The following TMEM117 variants were observed in gnomAD, a reference collection of about 807,000 sequenced individuals.
TMEM117 encodes transmembrane protein 117.
Under a neutral mutation model 52.4 loss-of-function variants are expected in TMEM117, and 27 were observed. The ratio of observed to expected loss-of-function variants is 0.51; its 90% CI spans 0.38 to 0.71. The LOEUF is 0.71. Among genes scored for constraint, TMEM117 ranks in the 30% least tolerant of loss-of-function variants. TMEM117 has a pLI of 0.00. For missense variants in TMEM117, 556 were observed against 630.5 expected, an observed-to-expected ratio of 0.88 and a Z score of 1.26; for synonymous variants, 215 against 206.3, an observed-to-expected ratio of 1.04 and a Z score of -0.36.
At chr12:43,958,897 C>G (rs1011240377) in intron 3 of TMEM117, among the ~76,000 whole-genome samples, 2 of 152,112 alleles carry the variant, frequency 1.3e-5, no homozygotes, top group Non-Finnish European at 2.9e-5. Flanking sequence ...AGCTCCGCCT[C>G]CCGGGTTCAC....
At chr12:44,000,493 A>AG (rs1946098916) in intron 3 of TMEM117, among the ~76,000 whole-genome samples, 1 of 152,070 alleles carries the variant, frequency 6.6e-6, no homozygotes, top group Admixed American at 6.6e-5. Context: ...GCTGACTTGT[A>AG]GGGGCTGAGG....
intron 6 of TMEM117, among the ~76,000 whole-genome samples, chr12:44,363,719 A>G (rs1194531800): frequency 6.6e-6 from 1 of 152,330 alleles, no homozygotes; most frequent in East Asian, 1.9e-4. Flanking sequence ...TTGTTCTAAA[A>G]GAAGAGATTT....
intron 5 of TMEM117, among the ~76,000 whole-genome samples, chr12:44,275,629 G>C (rs1391658481): frequency 1.3e-5 from 2 of 152,022 alleles, no homozygotes; most frequent in Non-Finnish European, 2.9e-5. Flanking sequence ...AAAAGAATGA[G>C]ATCCTGTCGT....
intron 2 of TMEM117, among the ~76,000 whole-genome samples, chr12:43,937,227 T>C (rs1234233720): frequency 6.6e-6 from 1 of 152,184 alleles, no homozygotes; most frequent in Non-Finnish European, 1.5e-5. Context: ...GAGACCAAAG[T>C]CATATTCTAA....
intron 3 of TMEM117, among the ~76,000 whole-genome samples, chr12:44,050,936 A>G (rs1946961704): frequency 6.6e-6 from 1 of 152,248 alleles, no homozygotes; most frequent in African/African-American, 2.4e-5. Context: ...GCAGGTATTA[A>G]GGATATTCAG....
intron 4 of TMEM117, among the ~76,000 whole-genome samples, chr12:44,183,148 A>G (rs1318758409): frequency 6.6e-6 from 1 of 152,186 alleles, no homozygotes; most frequent in African/African-American, 2.4e-5. Context: ...TAATTACAGT[A>G]AAAATTTTGG....
At chr12:44,195,654 T>C (rs1049394395) in intron 4 of TMEM117, among the ~76,000 whole-genome samples, 1 of 152,166 alleles carries the variant, frequency 6.6e-6, no homozygotes. Context: ...AAATAGACTT[T>C]TGACAGGAAA....
intron 2 of TMEM117, among the ~76,000 whole-genome samples, chr12:43,908,810 A>C (rs1033074122): frequency 1.3e-5 from 2 of 150,832 alleles, no homozygotes; most frequent in Admixed American, 1.3e-4. Context: ...TCCTAAATAT[A>C]TATGCACCCA....
chr12:44,024,896 A>G (rs936923963), intron 3 of TMEM117, among the ~76,000 whole-genome samples: 3 of 151,728 alleles, frequency 2.0e-5, no homozygotes, highest in African/African-American at 7.3e-5. Flanking sequence ...GTACATACAT[A>G]TAAGTACATA....
At chr12:44,067,730 A>T (rs1015698698) in intron 3 of TMEM117, among the ~76,000 whole-genome samples, 1 of 152,176 alleles carries the variant, frequency 6.6e-6, no homozygotes, top group Non-Finnish European at 1.5e-5. Flanking sequence ...GTATAGCATA[A>T]TTCTTAAGGG....
intron 6 of TMEM117, among the ~76,000 whole-genome samples, chr12:44,355,389 G>A (rs1951632367): frequency 6.6e-6 from 1 of 151,814 alleles, no homozygotes; most frequent in Non-Finnish European, 1.5e-5. Context: ...CTTTATCCTG[G>A]TTATTCTACT....
intron 2 of TMEM117, among the ~76,000 whole-genome samples, chr12:43,867,246 A>G (rs1943618153): frequency 6.6e-6 from 1 of 152,246 alleles, no homozygotes; most frequent in Non-Finnish European, 1.5e-5. Flanking sequence ...TGTATTTTAT[A>G]TGAAGTGGCA....
chr12:43,887,037 T>A (rs1255194676), intron 2 of TMEM117, among the ~76,000 whole-genome samples: 3 of 152,122 alleles, frequency 2.0e-5, no homozygotes, highest in Non-Finnish European at 4.4e-5. Context: ...TCTGTAGAGA[T>A]GGGGTTTTAC....
intron 4 of TMEM117, among the ~76,000 whole-genome samples, chr12:44,185,869 TACACACACACACACACACACACAC>T (rs3065433): frequency 3.0e-5 from 4 of 135,024 alleles, no homozygotes; most frequent in South Asian, 2.5e-4. Flanking sequence ...CTAAAAGACA[TACACACACACACACACACACACAC>T]ACACACACAC....
chr12:44,149,836 T>G (rs1948695995), intron 4 of TMEM117, among the ~76,000 whole-genome samples: 1 of 152,234 alleles, frequency 6.6e-6, no homozygotes, highest in Non-Finnish European at 1.5e-5. Flanking sequence ...TAATTGAATT[T>G]GATTTAGCAC....
At chr12:44,051,551 T>C (rs1306251387) in intron 3 of TMEM117, among the ~76,000 whole-genome samples, 2 of 152,220 alleles carry the variant, frequency 1.3e-5, no homozygotes, top group Non-Finnish European at 2.9e-5. Context: ...TTTCACTAAA[T>C]ATTTCCTGTC....
intron 3 of TMEM117, among the ~76,000 whole-genome samples, chr12:43,982,540 A>T (rs1050463414): frequency 1.3e-5 from 2 of 152,140 alleles, no homozygotes; most frequent in Admixed American, 6.5e-5. Flanking sequence ...TTTCTACATT[A>T]TGTAATTATT....
the TMEM117 span, chr12:43,800,419 C>T: frequency 8.8e-6 from 14 of 1,589,160 alleles, no homozygotes; most frequent in African/African-American, 9.4e-5. Context: ...ATAGAATCCA[C>T]ATACAAACAT....
At chr12:44,382,819 G>A (rs1952038469) in intron 7 of TMEM117, among the ~76,000 whole-genome samples, 1 of 152,162 alleles carries the variant, frequency 6.6e-6, no homozygotes, top group Non-Finnish European at 1.5e-5. Context: ...AAATTAATAA[G>A]TAAATATTTT....
Sources: allele counts gnomAD v4.1 joint callset (sites outside exome capture counted in the v4.1 genomes callset), GRCh38; gene constraint gnomAD v4.1.1; transcripts MANE v1.5; gene names NCBI Gene and HGNC (gene_info 2026-07-23, HGNC 2026-07-21).